SPTBN1: variants seen among roughly 807,000 people sequenced by gnomAD.
SPTBN1 encodes spectrin beta chain, non-erythrocytic 1.
SPTBN1 carries 32 observed loss-of-function variants against 266.4 expected under a neutral mutation model. That is an observed-to-expected ratio of 0.12 (90% CI 0.09 to 0.16). SPTBN1 has a LOEUF of 0.16. Ranked by LOEUF, SPTBN1 falls within the 10% of genes least tolerant of loss-of-function variation. The probability of loss-of-function intolerance (pLI) is 1.00; values close to 1 mark genes in which losing one functional copy is unlikely to be tolerated. For synonymous variants in SPTBN1, 1,336 were observed against 1,162.2 expected, an observed-to-expected ratio of 1.15 and a Z score of -3.04; for missense variants, 2,296 against 3,067.1, an observed-to-expected ratio of 0.75 and a Z score of 5.94.
chr2:54,616,988 A>T (rs1023138745), intron 5 of SPTBN1, among the ~76,000 whole-genome samples: 1 of 152,232 alleles, frequency 6.6e-6, no homozygotes, highest in Non-Finnish European at 1.5e-5. Flanking sequence ...CATCATGTCT[A>T]TAAAGAGCTT....
At chr2:54,468,186 A>T (rs1457109137) in intron 1 of SPTBN1, among the ~76,000 whole-genome samples, 1 of 152,136 alleles carries the variant, frequency 6.6e-6, no homozygotes, top group Non-Finnish European at 1.5e-5. Context: ...GGGCTTCTCT[A>T]GTCCCAGCTA....
intron 1 of SPTBN1, among the ~76,000 whole-genome samples, chr2:54,486,369 T>C (rs1210572292): frequency 2.0e-5 from 3 of 152,180 alleles, no homozygotes; most frequent in African/African-American, 7.2e-5. Flanking sequence ...CATTTTGTTC[T>C]GTACTAAGAA....
At chr2:54,585,870 C>G (rs1042255528) in intron 2 of SPTBN1, among the ~76,000 whole-genome samples, 4 of 152,130 alleles carry the variant, frequency 2.6e-5, no homozygotes, top group African/African-American at 9.7e-5. Flanking sequence ...ATTTTTCAGG[C>G]AGTGGAATAG....
At chr2:54,513,770 A>G (rs1035292713) in intron 1 of SPTBN1, among the ~76,000 whole-genome samples, 8 of 152,244 alleles carry the variant, frequency 5.3e-5, no homozygotes, top group Non-Finnish European at 1.0e-4. Flanking sequence ...TATGTGGAAC[A>G]GAAACAAGGA....
Position 54,526,468 on chromosome 2 carries a change from A to G in SPTBN1, c.50A>G (p.Gln17Arg). Reference sequence around the variant, plus strand: ...TATGACAACATTGAGATCCAGCAGCAGTACAGTGATGTCAACAACCGCTGG... The same window carrying G: ...TATGACAACATTGAGATCCAGCAGCGGTACAGTGATGTCAACAACCGCTGG... The part of the protein sequence containing the change: ...TDYDNIEIQQ[Q>R]YSDVNNRWDV... The change falls in exon 2 of 36, where the codon CAG becomes CGG. Residue 17 changes from glutamine (Q) to arginine (R), a missense_variant. Coordinates refer to ENST00000356805, the MANE Select transcript of SPTBN1 (RefSeq NM_003128.3). 3 of 1,614,246 alleles carry G rather than the reference A, an allele frequency of 1.9e-6. No homozygotes were observed. The highest frequency in any genetic ancestry group is 2.5e-6 in the Non-Finnish European group (3 of 1,180,042).
At chr2:54,612,039 T>A in intron 3 of SPTBN1, 122 bp from the exon 4 acceptor site, 1 of 989,332 alleles carries the variant, frequency 1.0e-6, no homozygotes, top group Non-Finnish European at 1.5e-6. Flanking sequence ...CATGTGTTTG[T>A]TAATGTTCTG....
At position 54,664,622 on chromosome 2, in the gene SPTBN1, C is replaced by G. The variant is rs781460543; in HGVS notation, c.6590C>G (p.Ser2197Trp). 2.7e-5 allele frequency: 43 copies of G among 1,614,092 alleles called. No homozygotes were observed. The highest frequency in any genetic ancestry group is 3.4e-5 in the Non-Finnish European group (40 of 1,180,046). ...CCAGCCAGAACCCAGGAGACACCTT[C>G]GGCCCAGATGGAAGGCTTCCTCAAT... ...TLPARTQETP[S>W]AQMEGFLNRK... Residue 2197 changes from serine to tryptophan, a missense_variant, in exon 33 of 36, where the codon TCG becomes TGG. Coordinates refer to ENST00000356805, the MANE Select transcript of SPTBN1 (RefSeq NM_003128.3). The surrounding 1 kb of genome is among the most constrained non-coding windows in gnomAD (Gnocchi z 5.6).
At chr2:54,644,716 T>C in intron 20 of SPTBN1, 130 bp downstream of exon 20, 1 of 1,218,544 alleles carries the variant, frequency 8.2e-7, no homozygotes, top group Non-Finnish European at 1.1e-6. Flanking sequence ...CCCAAAATAT[T>C]ACTTGCTCTA....
At chr2:54,665,840 A>G (rs1681331906) in intron 33 of SPTBN1, 75 bp from the exon 34 acceptor site, 2 of 1,495,016 alleles carry the variant, frequency 1.3e-6, no homozygotes, top group Non-Finnish European at 1.8e-6. Flanking sequence ...TTTCATGTTA[A>G]TGAAATGTTT....
At chr2:54,487,898 C>CAGCTCACT (rs1668493321) in intron 1 of SPTBN1, among the ~76,000 whole-genome samples, 1 of 120,510 alleles carries the variant, frequency 8.3e-6, no homozygotes. Flanking sequence ...GGCACGATCT[C>CAGCTCACT]AGCTCACTGC....
At chr2:54,525,774 A>G (rs917651436) in intron 1 of SPTBN1, among the ~76,000 whole-genome samples, 2 of 152,178 alleles carry the variant, frequency 1.3e-5, no homozygotes, top group African/African-American at 2.4e-5. Context: ...TCTGTTGCCC[A>G]GGCAAGAGTG....
Position 54,631,281 on chromosome 2 carries a change from C to G in SPTBN1, c.3234C>G (p.Leu1078=). The change falls in exon 16 of 36, where the codon CTC becomes CTG. Residue 1078 remains leucine, a synonymous_variant. Transcript: ENST00000356805. ...ACTTGGACGACTTCCAGTCCTGGCTCTCTAGGACCCAGACAGCGATCGCCT... is the reference window on the plus strand; with the variant it reads ...ACTTGGACGACTTCCAGTCCTGGCTGTCTAGGACCCAGACAGCGATCGCCT... ...LRDLDDFQSW[L]SRTQTAIASE... is the part of the protein sequence containing the mutation. 2 of 1,614,202 alleles carry G rather than the reference C, an allele frequency of 1.2e-6. No individual in the cohort carries two copies. The highest frequency in any genetic ancestry group is 1.1e-5 in the South Asian group (1 of 91,088).
chr2:54,519,461 A>C (rs1452537274), intron 1 of SPTBN1, among the ~76,000 whole-genome samples: 5 of 152,176 alleles, frequency 3.3e-5, no homozygotes, highest in African/African-American at 4.8e-5. Context: ...GGATGTAGTG[A>C]TACCTGAGCT....
At chr2:54,608,098 C>G (rs1676967884) in intron 3 of SPTBN1, among the ~76,000 whole-genome samples, 1 of 152,136 alleles carries the variant, frequency 6.6e-6, no homozygotes, top group Admixed American at 6.6e-5. Flanking sequence ...CCCCCTTTCC[C>G]CTGTGAGGTC....
intron 1 of SPTBN1, among the ~76,000 whole-genome samples, chr2:54,478,660 T>A (rs1485056105): frequency 6.6e-6 from 1 of 152,208 alleles, no homozygotes; most frequent in Non-Finnish European, 1.5e-5. Flanking sequence ...CTTGCAACTA[T>A]TTCCAGTGTG....
At chr2:54,657,786 T>G (rs1322037454) in intron 29 of SPTBN1, 64 bp from the exon 30 acceptor site, 16 of 1,601,034 alleles carry the variant, frequency 1.0e-5, no homozygotes, top group Non-Finnish European at 9.4e-6. Flanking sequence ...TGCCAAGAGG[T>G]AAGGCCATAT....
At chr2:54,464,132 T>C (rs1693509451) in intron 1 of SPTBN1, among the ~76,000 whole-genome samples, 1 of 152,222 alleles carries the variant, frequency 6.6e-6, no homozygotes, top group Non-Finnish European at 1.5e-5. Context: ...TTGGGTTATA[T>C]ATATGTAACA....
rs1215981771 is a variant in SPTBN1 at position 54,649,594 on chromosome 2, C to T, written c.5203-21C>T. On this transcript the variant is annotated intron_variant, in intron 25 of 35. Transcript: ENST00000356805. The surrounding 1 kb of genome is among the most constrained non-coding windows in gnomAD (Gnocchi z 6.7). The stretch of plus-strand genomic sequence containing the variant: ...GAGTTCACAGTGGGCTCTCTGATTT[C>T]CTTACCCATCCCCGTTTCAGATGTT... 6.2e-7 allele frequency: 1 copy of T among 1,600,714 alleles called. No homozygotes were observed. The highest frequency in any genetic ancestry group is 1.1e-5 in the South Asian group (1 of 90,452).
intron 1 of SPTBN1, among the ~76,000 whole-genome samples, chr2:54,457,693 C>T (rs914480727): frequency 6.6e-6 from 1 of 152,220 alleles, no homozygotes; most frequent in African/African-American, 2.4e-5. Context: ...CCTGCGGCCC[C>T]CGCCCGGCCC....
Sources: allele counts gnomAD v4.1 joint callset (sites outside exome capture counted in the v4.1 genomes callset), GRCh38; gene constraint gnomAD v4.1.1; non-coding constraint Gnocchi (gnomAD v3.1); transcripts MANE v1.5; gene names NCBI Gene and HGNC (gene_info 2026-07-23, HGNC 2026-07-21).